The following PPFIBP2 variants were observed in gnomAD, a reference collection of about 807,000 sequenced individuals.
PPFIBP2 encodes the protein PPFIB scaffold protein 2, also known as liprin-beta-2.
PPFIBP2 carries 118 observed loss-of-function variants against 118.3 expected under a neutral mutation model. The ratio of observed to expected loss-of-function variants is 1.00; its 90% CI spans 0.86 to 1.16. The LOEUF (loss-of-function observed/expected upper bound fraction) is 1.16, where lower values mean the gene tolerates loss of function less well. Among genes scored for constraint, PPFIBP2 ranks in the 50% most tolerant of loss-of-function variants. The pLI, the probability that PPFIBP2 is intolerant of heterozygous loss-of-function variation, is 0.00. For synonymous variants in PPFIBP2, 414 were observed against 397.4 expected (o/e 1.04, Z -0.50); for missense variants, 1,195 against 1,073.1 (o/e 1.11, Z -1.59).
At chr11:7,613,864 G>A (rs1001734270) in intron 6 of PPFIBP2, among the ~76,000 whole-genome samples, 6 of 152,190 alleles carry the variant, frequency 3.9e-5, no homozygotes, top group African/African-American at 1.4e-4. Flanking sequence ...TGCTAGGAAG[G>A]GGAGTCAGCC....
chr11:7,597,253 A>C, intron 4 of PPFIBP2: 1 of 1,533,796 alleles, frequency 6.5e-7, no homozygotes, highest in South Asian at 1.2e-5. Context: ...AAGAGGAATA[A>C]GGAGCAGGAG....
chr11:7,652,592 G>C (rs543625264), intron 23 of PPFIBP2, among the ~76,000 whole-genome samples: 203 of 152,334 alleles, frequency 1.3e-3, no homozygotes, highest in African/African-American at 4.6e-3. Flanking sequence ...GCTAGGGCAG[G>C]GAGCAACCTG....
At position 7,565,775 on chromosome 11, in the gene PPFIBP2, G is replaced by A. The variant is rs1854899469; in HGVS notation, c.279+8G>A. On this transcript the variant is annotated splice_region_variant and intron_variant, in intron 3 of 23. Coordinates refer to ENST00000299492, the MANE Select transcript of PPFIBP2 (RefSeq NM_003621.5). ...TGGTTTGAAGAGAGCTTGGTGAGTAGTCCCGTGGCCTGATTGGGAACCACT... is the reference window on the plus strand; with the variant it reads ...TGGTTTGAAGAGAGCTTGGTGAGTAATCCCGTGGCCTGATTGGGAACCACT... 2 of 1,613,606 alleles carry A rather than the reference G, an allele frequency of 1.2e-6. No individual in the cohort carries two copies. Among genetic ancestry groups the A allele is most frequent in the South Asian group, 2.2e-5 (2 of 91,068 alleles).
intron 3 of PPFIBP2, among the ~76,000 whole-genome samples, chr11:7,578,466 G>C (rs1175268637): frequency 1.3e-5 from 2 of 152,228 alleles, no homozygotes; most frequent in Non-Finnish European, 2.9e-5. Context: ...CAGATGCCCG[G>C]ACCCCGACTC....
intron 1 of PPFIBP2, among the ~76,000 whole-genome samples, chr11:7,526,030 T>G (rs1850199465): frequency 6.6e-6 from 1 of 152,198 alleles, no homozygotes. Context: ...CAGATTCTAC[T>G]TTGACATAAT....
At chr11:7,549,608 A>ATTTTT in intron 2 of PPFIBP2, 69 bp downstream of exon 2, 2 of 1,047,382 alleles carry the variant, frequency 1.9e-6, no homozygotes, top group South Asian at 2.7e-5. Flanking sequence ...CTCTCCTTTT[A>ATTTTT]CTTTTTTTTT....
chr11:7,564,304 T>A (rs10839812), intron 2 of PPFIBP2, among the ~76,000 whole-genome samples: 3 of 151,912 alleles, frequency 2.0e-5, no homozygotes, highest in Non-Finnish European at 4.4e-5. Flanking sequence ...GCGGGCATTT[T>A]GTCAGATTCC....
At chr11:7,551,581 C>A (rs987376257) in intron 2 of PPFIBP2, among the ~76,000 whole-genome samples, 2 of 152,126 alleles carry the variant, frequency 1.3e-5, no homozygotes, top group African/African-American at 2.4e-5. Context: ...GTGTTGGCTA[C>A]CTTTTGCCTC....
chr11:7,661,168 G>T (rs2136092184), downstream of PPFIBP2, among the ~76,000 whole-genome samples: 1 of 150,602 alleles, frequency 6.6e-6, no homozygotes, highest in East Asian at 2.0e-4. Flanking sequence ...TCTGATTTTA[G>T]TTATTTCTTG....
intron 7 of PPFIBP2, among the ~76,000 whole-genome samples, chr11:7,624,321 A>G (rs1849701303): frequency 6.6e-6 from 1 of 152,188 alleles, no homozygotes; most frequent in African/African-American, 2.4e-5. Flanking sequence ...CTGATGACTT[A>G]CGGAGATATT....
In PPFIBP2 at chr11:7,583,675, G is replaced by A. The variant is rs545310264; in HGVS notation, c.280-9457G>A. Among the ~76,000 whole-genome samples, 3 of 150,762 alleles carry A rather than the reference G, an allele frequency of 2.0e-5. No individual in the cohort carries two copies. The South Asian group carries it at 6.3e-4, about 32-fold the overall frequency. Reference sequence around the variant, plus strand: ...AGCTCAGCCAAGGTTATAATTTTGGGGAAAAAAAAAATCTTGGTAAATGTG... The same window carrying A: ...AGCTCAGCCAAGGTTATAATTTTGGAGAAAAAAAAAATCTTGGTAAATGTG... On this transcript the variant is annotated intron_variant, in intron 3 of 23. Coordinates refer to ENST00000299492, the MANE Select transcript of PPFIBP2 (RefSeq NM_003621.5).
chr11:7,546,274 GT>G (rs1361009020), intron 1 of PPFIBP2, among the ~76,000 whole-genome samples: 1 of 152,182 alleles, frequency 6.6e-6, no homozygotes, highest in African/African-American at 2.4e-5. Context: ...ATGTTTCCTT[GT>G]TTTGTATTTG....
At chr11:7,626,322 G>A (rs574177488) in intron 8 of PPFIBP2, among the ~76,000 whole-genome samples, 2 of 152,312 alleles carry the variant, frequency 1.3e-5, no homozygotes, top group African/African-American at 4.8e-5. Context: ...AAGGCCCTGA[G>A]ACTACAGAAA....
In PPFIBP2 at chr11:7,642,391, A is replaced by G. The variant is rs542462257; in HGVS notation, c.1611A>G (p.Arg537=). ...GGCTCCGGGCAACCGCAGGGCCAAGACTCTCTAGGACCAGGGACTCCAAGG... is the reference window on the plus strand; with the variant it reads ...GGCTCCGGGCAACCGCAGGGCCAAGGCTCTCTAGGACCAGGGACTCCAAGG... ...RGGLRATAGP[R]LSRTRDSKGQ... is the part of the protein sequence containing the mutation. The change falls in exon 17 of 24, where the codon AGA becomes AGG. Residue 537 remains arginine, a synonymous_variant. Transcript: ENST00000299492. 1.2e-6 allele frequency: 2 copies of G among 1,613,852 alleles called. No homozygotes were observed. Among genetic ancestry groups the G allele is most frequent in the African/African-American group, 1.3e-5 (1 of 74,972 alleles).
At chr11:7,666,128 C>CCTGTAAT in the PPFIBP2 span, 1 of 613,058 alleles carries the variant, frequency 1.6e-6, no homozygotes, top group Non-Finnish European at 2.9e-6. Context: ...GGGGTCAGTG[C>CCTGTAAT]CCATATTAGA....
chr11:7,644,965 T>C (rs888603080), intron 17 of PPFIBP2, among the ~76,000 whole-genome samples: 1 of 129,110 alleles, frequency 7.7e-6, no homozygotes, highest in African/African-American at 3.1e-5. Flanking sequence ...AGGCGGAGCT[T>C]GCAGTGAGCC....
At chr11:7,578,670 C>T (rs1344542420) in intron 3 of PPFIBP2, among the ~76,000 whole-genome samples, 2 of 152,134 alleles carry the variant, frequency 1.3e-5, no homozygotes, top group Non-Finnish European at 2.9e-5. Context: ...ATAAGTGTGC[C>T]TGGAGGAAGA....
Position 7,620,831 on chromosome 11 carries a change from T to C in PPFIBP2, c.619-104T>C, listed in dbSNP as rs1234962166. On this transcript the variant is annotated intron_variant, in intron 6 of 23. Coordinates refer to ENST00000299492, the MANE Select transcript of PPFIBP2 (RefSeq NM_003621.5). ...AAAGATTAAAGCTGTTATGTGGAGC[T>C]TGATGTGGTTGCTGCACCCCATATG... 6.4e-6 allele frequency: 5 copies of C among 782,070 alleles called. No individual in the cohort carries two copies. In the Admixed American group the frequency reaches 9.3e-5, roughly 15 times the overall value. 48.4% of individuals were successfully genotyped at this position (782,070 alleles called of 1,614,324 possible).
intron 2 of PPFIBP2, among the ~76,000 whole-genome samples, chr11:7,559,415 T>G (rs1204411477): frequency 6.6e-6 from 1 of 152,190 alleles, no homozygotes; most frequent in Non-Finnish European, 1.5e-5. Flanking sequence ...GAAATGAGCC[T>G]CCTGGGAGAT....
Sources: allele counts gnomAD v4.1 joint callset (sites outside exome capture counted in the v4.1 genomes callset), GRCh38; gene constraint gnomAD v4.1.1; transcripts MANE v1.5; gene names NCBI Gene and HGNC (gene_info 2026-07-23, HGNC 2026-07-21).